Variants in DCLK2 observed in about 807,000 individuals in gnomAD.
The protein encoded by DCLK2 is serine/threonine-protein kinase DCLK2.
DCLK2 carries 31 observed loss-of-function variants against 78.4 expected under a neutral mutation model. The ratio of observed to expected loss-of-function variants is 0.40; its 90% CI spans 0.30 to 0.53. The LOEUF is 0.53. DCLK2 is among the 20% of genes least tolerant of loss of function. The pLI is 0.61. For synonymous variants in DCLK2, 407 were observed against 374.9 expected (o/e 1.09, Z -0.99); for missense variants, 872 against 973.7 (o/e 0.90, Z 1.39).
intron 2 of DCLK2, among the ~76,000 whole-genome samples, chr4:150,182,349 C>T (rs924095874): frequency 2.0e-5 from 3 of 152,106 alleles, no homozygotes; most frequent in African/African-American, 7.2e-5. Flanking sequence ...ACCTGGCCTC[C>T]CAAATCATTT....
In DCLK2 at chr4:150,202,011, A is replaced by G. The variant is rs555227542; in HGVS notation, c.962-1784A>G. ...CTGCAGACTTGCGTTGACTTCTTCT[A>G]TTATCCACATCCCCAATTAGAGTGC... On this transcript the variant is annotated intron_variant, in intron 4 of 15. Transcript: ENST00000296550. 8.0e-4 allele frequency among the ~76,000 whole-genome samples: 122 copies of G among 152,270 alleles called. 1 individual carries two copies. Among genetic ancestry groups the G allele is most frequent in the African/African-American group, 2.8e-3 (117 of 41,560 alleles).
rs754715545 is a variant in DCLK2 at position 150,102,441 on chromosome 4, G to A, written c.422-37G>A. On this transcript the variant is annotated intron_variant, in intron 1 of 15. Transcript: ENST00000296550. ...TTAGACCAAATGCTTCTATGATAGAGATAATCATGCTAATAAAATCAAATT... is the reference window on the plus strand; with the variant it reads ...TTAGACCAAATGCTTCTATGATAGAAATAATCATGCTAATAAAATCAAATT... 1.3e-5 allele frequency: 20 copies of A among 1,587,966 alleles called. No individual in the cohort carries two copies. The South Asian group carries it at 2.2e-4, about 17-fold the overall frequency.
chr4:150,106,937 A>G (rs1200648412), intron 2 of DCLK2, among the ~76,000 whole-genome samples: 1 of 152,200 alleles, frequency 6.6e-6, no homozygotes, highest in Admixed American at 6.5e-5. Flanking sequence ...CTTTGTCTGT[A>G]TTAATTCTTG....
chr4:150,214,183 C>A (rs1313005451), intron 5 of DCLK2, among the ~76,000 whole-genome samples: 1 of 152,178 alleles, frequency 6.6e-6, no homozygotes, highest in African/African-American at 2.4e-5. Context: ...ATTATGGTAG[C>A]TGAACAGTTA....
intron 2 of DCLK2, among the ~76,000 whole-genome samples, chr4:150,129,287 G>T (rs749239046): frequency 1.3e-5 from 2 of 152,046 alleles, no homozygotes; most frequent in Non-Finnish European, 2.9e-5. Flanking sequence ...AAATGGTCCA[G>T]TATTCATAAG....
At chr4:150,129,325 A>G (rs1263547969) in intron 2 of DCLK2, among the ~76,000 whole-genome samples, 2 of 152,166 alleles carry the variant, frequency 1.3e-5, no homozygotes, top group Admixed American at 6.5e-5. Flanking sequence ...TATGACAGTC[A>G]TGTCATAAGT....
chr4:150,151,309 T>TG (rs1261112888), intron 2 of DCLK2, among the ~76,000 whole-genome samples: 1 of 152,166 alleles, frequency 6.6e-6, no homozygotes, highest in African/African-American at 2.4e-5. Flanking sequence ...ATGATGGGTC[T>TG]GGGGAAGCAT....
intron 2 of DCLK2, among the ~76,000 whole-genome samples, chr4:150,106,645 G>T (rs1160771105): frequency 6.6e-6 from 1 of 152,176 alleles, no homozygotes; most frequent in Non-Finnish European, 1.5e-5. Flanking sequence ...AATTCACCAT[G>T]AACAGTCACT....
chr4:150,175,026 A>ATATATATATATT (rs1560834512), intron 2 of DCLK2, among the ~76,000 whole-genome samples: 3 of 55,140 alleles, frequency 5.4e-5, no homozygotes, highest in African/African-American at 1.9e-4. Flanking sequence ...ATATATATAT[A>ATATATATATATT]TATATATTTA....
At chr4:150,095,855 C>T (rs1177756109) in intron 1 of DCLK2, among the ~76,000 whole-genome samples, 5 of 152,016 alleles carry the variant, frequency 3.3e-5, no homozygotes, top group Admixed American at 1.3e-4. Context: ...AGGTTATTTC[C>T]GGCGTATAAG....
At chr4:150,106,948 G>T (rs1482664837) in intron 2 of DCLK2, among the ~76,000 whole-genome samples, 1 of 152,084 alleles carries the variant, frequency 6.6e-6, no homozygotes, top group Admixed American at 6.5e-5. Context: ...TTAATTCTTG[G>T]GTTTTCTTTA....
chr4:150,083,989 C>T lies in DCLK2; in HGVS notation c.421+4541C>T, dbSNP rs552965198. 5.3e-5 allele frequency among the ~76,000 whole-genome samples: 8 copies of T among 152,332 alleles called. No individual in the cohort carries two copies. In the South Asian group the frequency reaches 1.7e-3, roughly 32 times the overall value. ...AGTAAACATACAAACAAGATGGCTT[C>T]AGCTAAAGTGCTGTAAATGAAGTGG... On this transcript the variant is annotated intron_variant, in intron 1 of 15. Coordinates refer to ENST00000296550, the MANE Select transcript of DCLK2 (RefSeq NM_001040260.4).
At chr4:150,198,948 C>A in intron 4 of DCLK2, 1 of 833,998 alleles carries the variant, frequency 1.2e-6, no homozygotes, top group Non-Finnish European at 1.7e-6. Flanking sequence ...GTCGTTTTAC[C>A]CTTTTGAACG....
At chr4:150,246,154 C>T (rs909014001) in intron 12 of DCLK2, among the ~76,000 whole-genome samples, 4 of 152,024 alleles carry the variant, frequency 2.6e-5, no homozygotes, top group Non-Finnish European at 5.9e-5. Flanking sequence ...AAGGGATTCT[C>T]CTGCCCCAGC....
Position 150,102,642 on chromosome 4 carries a change from C to G in DCLK2, c.586C>G (p.Pro196Ala). 6.2e-7 allele frequency: 1 copy of G among 1,614,158 alleles called. No individual in the cohort carries two copies. ...AAAAGAAAGTAAAGATTTCATCAAACCCAAGTTAGTGACTGTGATTCGAAG... is the reference window on the plus strand; with the variant it reads ...AAAAGAAAGTAAAGATTTCATCAAAGCCAAGTTAGTGACTGTGATTCGAAG... Reference protein sequence around the residue: ...EVKESKDFIKPKLVTVIRSGV... With the variant: ...EVKESKDFIKAKLVTVIRSGV... Residue 196 changes from proline to alanine, a missense_variant, in exon 2 of 16, where the codon CCC (proline) becomes GCC (alanine). By Grantham distance (27) the Pro-to-Ala change is conservative. Around this residue, in one of 3 missense-constraint regions of DCLK2, gnomAD observed 567 missense variants for 593.4 expected, o/e 0.96. Coordinates refer to ENST00000296550, the MANE Select transcript of DCLK2 (RefSeq NM_001040260.4).
At chr4:150,255,377 C>T (rs1475627887) in intron 15 of DCLK2, among the ~76,000 whole-genome samples, 1 of 152,236 alleles carries the variant, frequency 6.6e-6, no homozygotes, top group Non-Finnish European at 1.5e-5. Flanking sequence ...AAGGTGACTG[C>T]CTCACATCTT....
intron 13 of DCLK2, among the ~76,000 whole-genome samples, 169 bp downstream of exon 13, chr4:150,247,868 A>G (rs890500659): frequency 6.6e-6 from 1 of 152,154 alleles, no homozygotes; most frequent in Non-Finnish European, 1.5e-5. Flanking sequence ...TTCTTGGCCA[A>G]ATTCTTAAAG....
intron 7 of DCLK2, among the ~76,000 whole-genome samples, chr4:150,222,623 A>C (rs1430721776): frequency 6.6e-6 from 1 of 151,986 alleles, no homozygotes; most frequent in African/African-American, 2.4e-5. Flanking sequence ...AGGTGTGTGG[A>C]TTACATGAGG....
Position 150,249,564 on chromosome 4 carries a change from G to C in DCLK2, c.1957-4G>C, listed in dbSNP as rs151010778. On this transcript the variant is annotated splice_region_variant and splice_polypyrimidine_tract_variant and intron_variant, in intron 14 of 15. Coordinates refer to ENST00000296550, the MANE Select transcript of DCLK2 (RefSeq NM_001040260.4). ...ATTGTATTTGATTGTTTTCTTTCCT[G>C]TAGGATGATGCCTCCCAGGAGAATA... The C allele has an allele frequency of 1.1e-5, 17 of 1,612,140 alleles. No homozygotes were observed. The East Asian group carries it at 3.8e-4, about 36-fold the overall frequency.
Sources: gnomAD v4.1 joint callset for allele counts (sites outside exome capture counted in the v4.1 genomes callset) on GRCh38, gnomAD v4.1.1 for gene constraint, gnomAD v4.1.1 regional missense constraint, MANE v1.5 for transcripts, NCBI Gene and HGNC (gene_info 2026-07-23, HGNC 2026-07-21) for gene names.